The following PTPRN2 variants were observed in gnomAD, a reference collection of about 807,000 sequenced individuals.
The protein encoded by PTPRN2 is protein tyrosine phosphatase receptor type N2, also known as receptor-type tyrosine-protein phosphatase N2.
PTPRN2 carries 74 observed loss-of-function variants against 118.8 expected under a neutral mutation model. The ratio of observed to expected loss-of-function variants is 0.62; its 90% CI spans 0.52 to 0.76. The LOEUF is 0.76. PTPRN2 is among the 30% of genes least tolerant of loss of function. PTPRN2 has a pLI of 0.00. For missense variants in PTPRN2, 1,481 were observed against 1,394.4 expected (o/e 1.06, Z -0.99); for synonymous variants, 641 against 608.0 (o/e 1.05, Z -0.80).
intron 10 of PTPRN2, among the ~76,000 whole-genome samples, chr7:158,097,286 C>G (rs985905721): frequency 6.6e-6 from 1 of 152,068 alleles, no homozygotes; most frequent in Non-Finnish European, 1.5e-5. Flanking sequence ...GTCACAGGAT[C>G]GAGCAGGCAC....
At chr7:157,980,831 G>A (rs769730669) in intron 11 of PTPRN2, among the ~76,000 whole-genome samples, 8 of 152,190 alleles carry the variant, frequency 5.3e-5, no homozygotes, top group Admixed American at 3.3e-4. Context: ...GTAGGCAGAC[G>A]CTCCTCCCTT....
chr7:158,221,327 T>A (rs566549646), intron 3 of PTPRN2, among the ~76,000 whole-genome samples: 343 of 148,500 alleles, frequency 2.3e-3, no homozygotes, highest in Non-Finnish European at 3.6e-3. Flanking sequence ...AATGATGACA[T>A]CTCCAAAAGC....
intron 6 of PTPRN2, 26 bp from the exon 7 acceptor site, chr7:158,138,541 G>A: frequency 6.3e-7 from 1 of 1,596,696 alleles, no homozygotes; most frequent in Non-Finnish European, 8.5e-7. Flanking sequence ...CAAACACAAG[G>A]ACGTTGTGGG....
intron 12 of PTPRN2, among the ~76,000 whole-genome samples, chr7:157,745,199 A>C (rs1396001751): frequency 6.6e-6 from 1 of 152,180 alleles, no homozygotes; most frequent in African/African-American, 2.4e-5. Context: ...ACAGTCAGCA[A>C]CGGTGGCCCC....
Position 158,312,358 on chromosome 7 carries a change from ACACACACATG to A in PTPRN2, c.277+4451_277+4460del, listed in dbSNP as rs1442688356. The stretch of plus-strand genomic sequence containing the variant: ...TGCACTCACGTGCTCAGGTGTAGAC[ACACACACATG>A]CACACATGCACACATACCTGTACAT... On this transcript the variant is annotated intron_variant, in intron 3 of 22. Coordinates refer to ENST00000389418, the MANE Select transcript of PTPRN2 (RefSeq NM_002847.5). Among the ~76,000 whole-genome samples the A allele has an allele frequency of 9.6e-3, 1,444 of 151,072 alleles. 34 individuals are homozygous for A. Among genetic ancestry groups the A allele is most frequent in the African/African-American group, 0.034 (1,376 of 40,804 alleles).
In PTPRN2 at chr7:158,506,654, T is replaced by C. The variant is rs1290019883; in HGVS notation, c.113-16869A>G. On this transcript the variant is annotated intron_variant, in intron 1 of 22. Transcript: ENST00000389418. ...GGCCACCAAGGCAGTGGTGTGATGA[T>C]GGTGACAGCCACGGAGGAGTGTGGC... 2.0e-5 allele frequency among the ~76,000 whole-genome samples: 3 copies of C among 151,910 alleles called. No homozygotes were observed. In the East Asian group the frequency reaches 5.9e-4, roughly 30 times the overall value.
At chr7:158,146,696 G>A (rs1005075027) in intron 6 of PTPRN2, among the ~76,000 whole-genome samples, 2 of 147,978 alleles carry the variant, frequency 1.4e-5, no homozygotes, top group Middle Eastern at 6.8e-3. Context: ...ACTCCAGCCT[G>A]GGCGACAGAG....
At chr7:157,952,047 C>A (rs1800846964) in intron 11 of PTPRN2, among the ~76,000 whole-genome samples, 1 of 152,238 alleles carries the variant, frequency 6.6e-6, no homozygotes, top group Admixed American at 6.5e-5. Context: ...CACAGTCTAG[C>A]TCCAGGTGCC....
At chr7:158,322,786 T>G (rs1321461153) in intron 2 of PTPRN2, among the ~76,000 whole-genome samples, 2 of 152,234 alleles carry the variant, frequency 1.3e-5, no homozygotes, top group Non-Finnish European at 2.9e-5. Flanking sequence ...CACCTCCACT[T>G]GGGTGGTGTT....
chr7:158,158,327 A>C (rs1426302319), intron 6 of PTPRN2, among the ~76,000 whole-genome samples: 2 of 152,228 alleles, frequency 1.3e-5, no homozygotes, highest in African/African-American at 2.4e-5. Context: ...TGCGGGGAAC[A>C]CGCCCTTCTC....
intron 2 of PTPRN2, among the ~76,000 whole-genome samples, chr7:158,319,419 CACA>C (rs769056202): frequency 3.6e-4 from 22 of 61,280 alleles, no homozygotes; most frequent in East Asian, 1.8e-3. Context: ...CACAGCCTCC[CACA>C]CACACACACA....
At chr7:157,799,848 G>T (rs111483350) in intron 12 of PTPRN2, among the ~76,000 whole-genome samples, 12 of 102,756 alleles carry the variant, frequency 1.2e-4, no homozygotes, top group African/African-American at 2.6e-4. Flanking sequence ...TCCCTCAGAG[G>T]CACCACAGCC....
chr7:158,087,055 G>C (rs529255260), intron 10 of PTPRN2, among the ~76,000 whole-genome samples: 42 of 152,328 alleles, frequency 2.8e-4, no homozygotes, highest in African/African-American at 1.0e-3. Context: ...AAACATTGCA[G>C]GGCATTGGAG....
chr7:157,885,226 G>A (rs1379606763), intron 12 of PTPRN2, among the ~76,000 whole-genome samples: 1 of 152,240 alleles, frequency 6.6e-6, no homozygotes, highest in Non-Finnish European at 1.5e-5. Context: ...CGGTCTCAAG[G>A]CTGGAACGAC....
rs1318988823 is a variant in PTPRN2, at chr7:157,779,483, C to G, written c.1789-96546G>C. On this transcript the variant is annotated intron_variant, in intron 12 of 22. Coordinates refer to ENST00000389418, the MANE Select transcript of PTPRN2 (RefSeq NM_002847.5). The surrounding 1 kb of genome is among the most constrained non-coding windows in gnomAD (Gnocchi z 4.7). The stretch of plus-strand genomic sequence containing the variant: ...TGCTGCACTGTGCTCCACATCCTGA[C>G]AGGCAGCAGGAACCCCCAAATTCCC... Among the ~76,000 whole-genome samples, 2 of 152,216 alleles carry G rather than the reference C, an allele frequency of 1.3e-5. No homozygotes were observed. Among genetic ancestry groups the G allele is most frequent in the East Asian group, 3.9e-4 (2 of 5,188 alleles).
intron 2 of PTPRN2, among the ~76,000 whole-genome samples, chr7:158,370,256 G>A (rs537608336): frequency 2.0e-5 from 3 of 151,952 alleles, no homozygotes; most frequent in East Asian, 1.9e-4. Flanking sequence ...TGGCCGACAC[G>A]GCAAAACCCC....
chr7:158,029,669 C>A (rs937542893), intron 11 of PTPRN2: 2 of 151,286 alleles, frequency 1.3e-5, no homozygotes, highest in African/African-American at 4.9e-5. Context: ...AACACAGTAA[C>A]CAGAAATAAC....
chr7:157,552,125 C>T (rs999353120), intron 21 of PTPRN2, among the ~76,000 whole-genome samples: 4 of 134,670 alleles, frequency 3.0e-5, no homozygotes, highest in African/African-American at 1.1e-4. Flanking sequence ...CCTGTGGTCA[C>T]TGACCACACA....
intron 11 of PTPRN2, among the ~76,000 whole-genome samples, chr7:157,966,391 C>CT (rs1301774760): frequency 6.6e-6 from 1 of 152,046 alleles, no homozygotes; most frequent in Non-Finnish European, 1.5e-5. Context: ...CCATCATCTT[C>CT]ATCACTATCA....
Sources: allele counts gnomAD v4.1 joint callset (sites outside exome capture counted in the v4.1 genomes callset), GRCh38; gene constraint gnomAD v4.1.1; non-coding constraint Gnocchi (gnomAD v3.1); transcripts MANE v1.5; gene names NCBI Gene and HGNC (gene_info 2026-07-23, HGNC 2026-07-21).